The following RAPGEF5 variants were observed in gnomAD, a reference collection of about 807,000 sequenced individuals.
RAPGEF5 encodes the protein M-Ras-regulated GEF.
Under a neutral mutation model 125.2 loss-of-function variants are expected in RAPGEF5, and 65 were observed. The observed-to-expected ratio is 0.52, with a 90% CI of 0.43 to 0.64. The LOEUF is 0.64. Among genes scored for constraint, RAPGEF5 ranks in the 30% least tolerant of loss-of-function variants. The probability of loss-of-function intolerance (pLI) is 0.00; values close to 1 mark genes in which losing one functional copy is unlikely to be tolerated. For missense variants in RAPGEF5, 958 were observed against 1,048.1 expected (o/e 0.91, Z 1.19); for synonymous variants, 391 against 385.9 (o/e 1.01, Z -0.16).
rs199782373 is a variant in RAPGEF5 at position 22,221,946 on chromosome 7, T to TA, written c.871-1956dup. On this transcript the variant is annotated intron_variant, in intron 8 of 25. Coordinates refer to ENST00000665637, the MANE Select transcript of RAPGEF5 (RefSeq NM_012294.5). ...AGTTCTGAGAATATGGTAGTGAACA[T>TA]AAAAAAAAACAAAGTTCTGGCCGGG... 8.5e-3 allele frequency among the ~76,000 whole-genome samples: 1,278 copies of TA among 151,030 alleles called. 21 individuals carry two copies. Among genetic ancestry groups the TA allele is most frequent in the African/African-American group, 0.028 (1,161 of 41,166 alleles).
At chr7:22,169,192 G>T (rs1426745333) in intron 11 of RAPGEF5, among the ~76,000 whole-genome samples, 1 of 152,158 alleles carries the variant, frequency 6.6e-6, no homozygotes, top group East Asian at 1.9e-4. Flanking sequence ...CACAGCCTGT[G>T]TACGCAGAAG....
chr7:22,131,487 A>T (rs1165740428), intron 23 of RAPGEF5, among the ~76,000 whole-genome samples: 4 of 152,202 alleles, frequency 2.6e-5, no homozygotes, highest in Non-Finnish European at 5.9e-5. Context: ...TTTAGTAAGT[A>T]TGTGTTTGCT....
chr7:22,296,930 G>GA, intron 5 of RAPGEF5, among the ~76,000 whole-genome samples: 1 of 152,330 alleles, frequency 6.6e-6, no homozygotes, highest in Non-Finnish European at 1.5e-5. Context: ...GATGAGGACT[G>GA]AAAAATCAGC....
intron 3 of RAPGEF5, among the ~76,000 whole-genome samples, chr7:22,310,368 A>G (rs944102367): frequency 6.6e-6 from 1 of 152,188 alleles, no homozygotes; most frequent in African/African-American, 2.4e-5. Flanking sequence ...TGCTTATCCC[A>G]CTAGAGAATA....
At chr7:22,173,742 A>G (rs549784449) in intron 11 of RAPGEF5, among the ~76,000 whole-genome samples, 1 of 152,292 alleles carries the variant, frequency 6.6e-6, no homozygotes, top group South Asian at 2.1e-4. Flanking sequence ...GCATAGAGTA[A>G]TAAACAGGGG....
intron 5 of RAPGEF5, among the ~76,000 whole-genome samples, chr7:22,303,500 G>A (rs1783259638): frequency 6.6e-6 from 1 of 152,058 alleles, no homozygotes; most frequent in African/African-American, 2.4e-5. Context: ...CATTTGTATG[G>A]AACAAAATTG....
At chr7:22,202,847 C>A in intron 9 of RAPGEF5, 2 of 235,518 alleles carry the variant, frequency 8.5e-6, no homozygotes, top group Admixed American at 5.2e-5. Flanking sequence ...GCTTTCTTGC[C>A]TGTGAAATGG....
At chr7:22,313,454 G>A (rs1275856862) in intron 3 of RAPGEF5, among the ~76,000 whole-genome samples, 2 of 152,146 alleles carry the variant, frequency 1.3e-5, no homozygotes, top group Non-Finnish European at 2.9e-5. Context: ...AATCACATGA[G>A]CACTTCATGT....
chr7:22,210,386 G>A (rs1360398433), intron 9 of RAPGEF5, among the ~76,000 whole-genome samples: 5 of 152,172 alleles, frequency 3.3e-5, no homozygotes, highest in Admixed American at 6.5e-5. Flanking sequence ...GATCATGAAA[G>A]GTTTTAAGAA....
chr7:22,325,884 T>C (rs1783804188), intron 1 of RAPGEF5, among the ~76,000 whole-genome samples: 1 of 152,218 alleles, frequency 6.6e-6, no homozygotes. Flanking sequence ...GAATGATTTA[T>C]GAGCTTGTTT....
chr7:22,248,098 C>T (rs371367759), intron 7 of RAPGEF5, among the ~76,000 whole-genome samples: 12 of 152,104 alleles, frequency 7.9e-5, no homozygotes, highest in African/African-American at 2.9e-4. Context: ...AAAACCTGCA[C>T]GTGTACCCTT....
intron 3 of RAPGEF5, among the ~76,000 whole-genome samples, chr7:22,312,811 A>T (rs1783504283): frequency 6.6e-6 from 1 of 152,226 alleles, no homozygotes; most frequent in Non-Finnish European, 1.5e-5. Flanking sequence ...GAGTAAAAGT[A>T]AACACTATCA....
intron 24 of RAPGEF5, among the ~76,000 whole-genome samples, chr7:22,130,111 C>T (rs1782869274): frequency 6.6e-6 from 1 of 152,154 alleles, no homozygotes; most frequent in Non-Finnish European, 1.5e-5. Context: ...AAATCCATCA[C>T]CATTACTGAA....
chr7:22,171,135 G>A (rs902180119), intron 11 of RAPGEF5, among the ~76,000 whole-genome samples: 6 of 151,608 alleles, frequency 4.0e-5, no homozygotes, highest in Admixed American at 3.9e-4. Flanking sequence ...TAACAGCCAT[G>A]CTTCCAAAAA....
intron 23 of RAPGEF5, 43 bp from the exon 24 acceptor site, chr7:22,131,144 G>A: frequency 6.7e-7 from 1 of 1,500,012 alleles, no homozygotes; most frequent in Non-Finnish European, 8.9e-7. Flanking sequence ...ATTAGGAATG[G>A]ATCATGAGTC....
At chr7:22,232,127 T>C (rs1191809089) in intron 7 of RAPGEF5, among the ~76,000 whole-genome samples, 1 of 151,990 alleles carries the variant, frequency 6.6e-6, no homozygotes, top group African/African-American at 2.4e-5. Flanking sequence ...ATGAATTGAA[T>C]ATGGAGAGAG....
intron 24 of RAPGEF5, among the ~76,000 whole-genome samples, chr7:22,130,373 T>C (rs1454016704): frequency 6.6e-6 from 1 of 152,170 alleles, no homozygotes; most frequent in African/African-American, 2.4e-5. Context: ...GGGAATGCCC[T>C]GGAAATCATT....
intron 11 of RAPGEF5, among the ~76,000 whole-genome samples, chr7:22,186,619 A>C (rs1784833366): frequency 6.6e-6 from 1 of 152,244 alleles, no homozygotes; most frequent in Admixed American, 6.5e-5. Context: ...CATTTAGAAC[A>C]GTGCCTATGC....
intron 1 of RAPGEF5, 74 bp from the exon 2 acceptor site, chr7:22,318,111 A>G: frequency 6.9e-7 from 1 of 1,443,158 alleles, no homozygotes; most frequent in Non-Finnish European, 9.2e-7. Context: ...AACATAAGCA[A>G]CAGTGGCCAG....
Sources: gnomAD v4.1 joint callset for allele counts (sites outside exome capture counted in the v4.1 genomes callset) on GRCh38, gnomAD v4.1.1 for gene constraint, MANE v1.5 for transcripts, NCBI Gene and HGNC (gene_info 2026-07-23, HGNC 2026-07-21) for gene names.